The following PRPF6 variants were observed in gnomAD, a reference collection of about 807,000 sequenced individuals.
The protein encoded by PRPF6 is pre-mRNA-processing factor 6.
In PRPF6, 42 loss-of-function variants were observed where a neutral mutation model predicts 118.3. That is an observed-to-expected ratio of 0.35 (90% CI 0.28 to 0.46). The LOEUF (loss-of-function observed/expected upper bound fraction) is 0.46, where lower values mean the gene tolerates loss of function less well. Among genes scored for constraint, PRPF6 ranks in the 20% least tolerant of loss-of-function variants. The pLI is 1.00. For missense variants in PRPF6, 662 were observed against 1,255.7 expected (o/e 0.53, Z 7.15); for synonymous variants, 481 against 485.1 (o/e 0.99, Z 0.11).
At chr20:64,007,722 C>T (rs1325351367) in intron 9 of PRPF6, among the ~76,000 whole-genome samples, 1 of 152,134 alleles carries the variant, frequency 6.6e-6, no homozygotes, top group Non-Finnish European at 1.5e-5. Context: ...CCACCTCAGC[C>T]TCCCAAAATG....
At chr20:64,001,264 T>C in intron 9 of PRPF6, 25 bp downstream of exon 9, 1 of 1,614,006 alleles carries the variant, frequency 6.2e-7, no homozygotes, top group East Asian at 2.2e-5. Context: ...GAGGTGCTGC[T>C]TTCTCCCTCC....
At chr20:64,019,092 GT>G (rs766307130) in intron 12 of PRPF6, among the ~76,000 whole-genome samples, 7,117 of 119,038 alleles carry the variant, frequency 0.06, 101 homozygotes, top group Middle Eastern at 0.11. Context: ...TTTGTTGTTG[GT>G]TTTTTTTTTT....
Position 64,010,331 on chromosome 20 carries a change from G to T in PRPF6, c.1305+13G>T. 2 of 1,607,906 alleles carry T rather than the reference G, an allele frequency of 1.2e-6. No homozygotes were observed. The highest frequency in any genetic ancestry group is 1.7e-6 in the Non-Finnish European group (2 of 1,176,610). ...CACCAGCGTGGAGGTGAGTCTGGCG[G>T]GCTCAGGGCCACCAGAGCCCAAAGT... On this transcript the variant is annotated intron_variant, in intron 10 of 20. Transcript: ENST00000266079.
chr20:63,986,728 TC>T (rs2059095512), intron 3 of PRPF6, among the ~76,000 whole-genome samples: 1 of 151,566 alleles, frequency 6.6e-6, no homozygotes, highest in Non-Finnish European at 1.5e-5. Flanking sequence ...GACCTCATGA[TC>T]CACCTGCCTC....
At chr20:63,995,887 C>T (rs543098281) in intron 6 of PRPF6, among the ~76,000 whole-genome samples, 1 of 152,132 alleles carries the variant, frequency 6.6e-6, no homozygotes, top group Admixed American at 6.6e-5. Context: ...GAACTCCTGA[C>T]CTCAGGTGAT....
At chr20:64,017,234 C>T (rs370112658) in intron 12 of PRPF6, among the ~76,000 whole-genome samples, 6 of 151,132 alleles carry the variant, frequency 4.0e-5, no homozygotes, top group East Asian at 1.9e-4. Flanking sequence ...TGAGCCACCG[C>T]GCCCGGCCTC....
Position 63,999,681 on chromosome 20 carries a change from A to T in PRPF6, c.945A>T (p.Ser315=), listed in dbSNP as rs759797175. ...ATCACCCGCCAGCCTGGATTGCATC[A>T]GCCCGCCTGGAAGAAGTCACTGGGA... ...NPHHPPAWIA[S]ARLEEVTGKL... Residue 315 remains serine (S), a synonymous_variant, in exon 8 of 21, where the codon TCA becomes TCT. Coordinates refer to ENST00000266079, the MANE Select transcript of PRPF6 (RefSeq NM_012469.4). The T allele has an allele frequency of 6.2e-7, 1 of 1,614,178 alleles. No homozygotes were observed. The highest frequency in any genetic ancestry group is 8.5e-7 in the Non-Finnish European group (1 of 1,180,022).
intron 13 of PRPF6, among the ~76,000 whole-genome samples, chr20:64,024,213 C>G (rs1205129051): frequency 6.6e-6 from 1 of 152,156 alleles, no homozygotes; most frequent in Non-Finnish European, 1.5e-5. Context: ...CGCTTGTGCT[C>G]TGTGGTTCAA....
chr20:63,993,667 C>G (rs1480007468), intron 4 of PRPF6, among the ~76,000 whole-genome samples, 182 bp downstream of exon 4: 1 of 149,678 alleles, frequency 6.7e-6, no homozygotes, highest in African/African-American at 2.4e-5. Context: ...AAAAAAAACC[C>G]TTCCCCTACT....
intron 12 of PRPF6, among the ~76,000 whole-genome samples, chr20:64,017,127 A>G (rs952914057): frequency 5.3e-5 from 8 of 152,168 alleles, no homozygotes; most frequent in African/African-American, 1.9e-4. Context: ...TATTTTTAGT[A>G]GAGACGGGGT....
chr20:64,025,798 C>T, intron 14 of PRPF6, 141 bp from the exon 15 acceptor site: 1 of 1,487,418 alleles, frequency 6.7e-7, no homozygotes. Context: ...CATCTCCTCC[C>T]TGGGAAGGGC....
At chr20:63,984,784 AT>A in intron 2 of PRPF6, 122 bp from the exon 3 acceptor site, 1 of 727,302 alleles carries the variant, frequency 1.4e-6, no homozygotes, top group South Asian at 1.5e-5. Flanking sequence ...CTGTCCCTTG[AT>A]TTGGCTTCGT....
intron 13 of PRPF6, among the ~76,000 whole-genome samples, chr20:64,023,887 A>G (rs1484837389): frequency 6.6e-6 from 1 of 152,202 alleles, no homozygotes; most frequent in Non-Finnish European, 1.5e-5. Flanking sequence ...GCATGCTTGC[A>G]GGGATGAGGA....
chr20:64,001,561 C>A (rs1174285983), intron 9 of PRPF6, among the ~76,000 whole-genome samples: 1 of 152,226 alleles, frequency 6.6e-6, no homozygotes, highest in Non-Finnish European at 1.5e-5. Flanking sequence ...TAGCTCAAAG[C>A]CTGTGTCCTG....
chr20:64,019,684 A>G (rs2059254322), intron 12 of PRPF6, among the ~76,000 whole-genome samples: 2 of 152,238 alleles, frequency 1.3e-5, no homozygotes, highest in Non-Finnish European at 2.9e-5. Flanking sequence ...GGCATAGACC[A>G]GAGTGCTCTA....
chr20:64,010,390 A>G, intron 10 of PRPF6, 72 bp downstream of exon 10: 5 of 1,232,354 alleles, frequency 4.1e-6, no homozygotes, highest in Non-Finnish European at 5.9e-6. Context: ...AGTGTCTGGA[A>G]GTGATGATAC....
At chr20:64,023,938 G>A (rs2059276817) in intron 13 of PRPF6, among the ~76,000 whole-genome samples, 1 of 152,162 alleles carries the variant, frequency 6.6e-6, no homozygotes, top group South Asian at 2.1e-4. Context: ...TGGAGAGCAC[G>A]GTTGCTTTGC....
intron 20 of PRPF6, 27 bp downstream of exon 20, chr20:64,032,071 C>T (rs2059317331): frequency 6.2e-7 from 1 of 1,613,352 alleles, no homozygotes; most frequent in Non-Finnish European, 8.5e-7. Context: ...GACCGCCGCT[C>T]AGTGCCTTCT....
chr20:63,993,350 A>C (rs1292184232), intron 3 of PRPF6, 57 bp from the exon 4 acceptor site: 2 of 1,336,478 alleles, frequency 1.5e-6, no homozygotes, highest in African/African-American at 2.9e-5. Context: ...ATGGATAATA[A>C]ATTTGCTTCA....
Sources: gnomAD v4.1 joint callset for allele counts (sites outside exome capture counted in the v4.1 genomes callset) on GRCh38, gnomAD v4.1.1 for gene constraint, MANE v1.5 for transcripts, NCBI Gene and HGNC (gene_info 2026-07-23, HGNC 2026-07-21) for gene names.